Variants in ADAR observed in about 807,000 individuals in gnomAD.
ADAR encodes double-stranded RNA-specific adenosine deaminase.
Under a neutral mutation model 113.2 loss-of-function variants are expected in ADAR, and 41 were observed. The ratio of observed to expected loss-of-function variants is 0.36; its 90% CI spans 0.28 to 0.47. The LOEUF (loss-of-function observed/expected upper bound fraction) is 0.47. ADAR is among the 20% of genes least tolerant of loss of function. The probability of loss-of-function intolerance (pLI) is 1.00; values close to 1 mark genes in which losing one functional copy is unlikely to be tolerated. For missense variants in ADAR, 1,242 were observed against 1,540.9 expected, an observed-to-expected ratio of 0.81 and a Z score of 3.25; for synonymous variants, 605 against 572.6, an observed-to-expected ratio of 1.06 and a Z score of -0.81.
upstream of ADAR, among the ~76,000 whole-genome samples, chr1:154,608,420 C>T (rs893594180): frequency 1.3e-5 from 2 of 149,420 alleles, no homozygotes; most frequent in Admixed American, 6.7e-5. Flanking sequence ...CCTCTGCCCC[C>T]CGGGTTCAAG....
chr1:154,599,146 C>T (rs1397642072), intron 2 of ADAR, among the ~76,000 whole-genome samples: 5 of 152,146 alleles, frequency 3.3e-5, no homozygotes, highest in Admixed American at 3.3e-4. Flanking sequence ...CATTTGTCTC[C>T]AGCTATTTTC....
In ADAR at chr1:154,608,134, C is replaced by A; in HGVS notation, c.-128G>T. The A allele has an allele frequency of 8.0e-7, 1 of 1,257,854 alleles. No homozygotes were observed. The allele number at this position is 1,257,854 out of a possible 1,614,324, so 77.9% of individuals were successfully genotyped here. A position where few individuals can be genotyped will look rare whatever the true frequency, so the allele number is the denominator to read the frequency against. On this transcript the variant is annotated 5_prime_UTR_variant, in exon 1 of 15. Coordinates refer to ENST00000368474, the MANE Select transcript of ADAR (RefSeq NM_001111.5). ...CGCACTGGAAGTGGCCCCGGGGCGT[C>A]GGCACGGGAAACTCCGCGGGTCTGC...
chr1:154,599,432 A>G (rs1014105158), intron 2 of ADAR, among the ~76,000 whole-genome samples: 7 of 152,198 alleles, frequency 4.6e-5, no homozygotes, highest in African/African-American at 1.7e-4. Flanking sequence ...GGAGGGATGG[A>G]GGCAAAAGAG....
intron 1 of ADAR, among the ~76,000 whole-genome samples, chr1:154,615,174 T>C (rs1405619216): frequency 6.6e-6 from 1 of 152,204 alleles, no homozygotes; most frequent in Non-Finnish European, 1.5e-5. Flanking sequence ...CCTCCAGCAC[T>C]GTCAGATAAT....
At chr1:154,619,366 G>T (rs1698723626) in intron 1 of ADAR, among the ~76,000 whole-genome samples, 1 of 152,122 alleles carries the variant, frequency 6.6e-6, no homozygotes, top group Non-Finnish European at 1.5e-5. Flanking sequence ...CTCCTCGCTG[G>T]GAATAAGTGA....
At chr1:154,592,825 G>A (rs139160688) in intron 6 of ADAR, among the ~76,000 whole-genome samples, 1 of 151,720 alleles carries the variant, frequency 6.6e-6, no homozygotes, top group Non-Finnish European at 1.5e-5. Context: ...AGCTCTGAGT[G>A]GTCTCCAGCA....
intron 1 of ADAR, among the ~76,000 whole-genome samples, chr1:154,607,013 TG>T (rs145913485): frequency 0.02 from 3,117 of 152,056 alleles, 114 homozygotes; most frequent in African/African-American, 0.073. Flanking sequence ...TCCTTTTAAG[TG>T]TATAAATCTA....
At chr1:154,612,318 GTTTT>G (rs55714254), upstream of ADAR, among the ~76,000 whole-genome samples, 9 of 69,196 alleles carry the variant, frequency 1.3e-4, no homozygotes, top group East Asian at 4.0e-3. Flanking sequence ...AAATTACTCA[GTTTT>G]TTTTTTTTTT....
chr1:154,590,147 CCGCCCCA>C, intron 7 of ADAR, 30 bp downstream of exon 7: 1 of 1,089,290 alleles, frequency 9.2e-7, no homozygotes, highest in Non-Finnish European at 1.4e-6. Context: ...GAGGACCCCC[CCGCCCCA>C]AAAAAGGCAC....
chr1:154,607,373 TC>T (rs1338659020), intron 1 of ADAR, among the ~76,000 whole-genome samples: 1 of 152,242 alleles, frequency 6.6e-6, no homozygotes, highest in East Asian at 1.9e-4. Context: ...ATTTGTGTTT[TC>T]CCAGTTTTTA....
At chr1:154,598,304 G>A (rs1697637908) in intron 3 of ADAR, 98 bp downstream of exon 3, 2 of 1,333,914 alleles carry the variant, frequency 1.5e-6, no homozygotes, top group Non-Finnish European at 2.2e-6. Context: ...ACTCCGAGAT[G>A]GTGTCAGTTG....
chr1:154,598,068 C>T, intron 3 of ADAR, 92 bp from the exon 4 acceptor site: 2 of 1,457,110 alleles, frequency 1.4e-6, no homozygotes, highest in Non-Finnish European at 1.9e-6. Context: ...GGACTTTATT[C>T]CCACCACCTG....
chr1:154,627,602 A>C (rs1410720034), intron 1 of ADAR, among the ~76,000 whole-genome samples: 1 of 152,094 alleles, frequency 6.6e-6, no homozygotes, highest in Non-Finnish European at 1.5e-5. Context: ...TCTGCCGCCC[A>C]CACTCGCGCA....
upstream of ADAR, among the ~76,000 whole-genome samples, chr1:154,613,046 C>T (rs929556061): frequency 1.3e-5 from 2 of 152,008 alleles, no homozygotes; most frequent in South Asian, 2.1e-4. Context: ...CTCCTGACTT[C>T]GTGATCCGCC....
chr1:154,586,128 A>T (rs1696744009), intron 12 of ADAR, 53 bp downstream of exon 12: 1 of 1,607,346 alleles, frequency 6.2e-7, no homozygotes, highest in Non-Finnish European at 8.5e-7. Flanking sequence ...GCAGTTTGGG[A>T]TCTGGGCACA....
Position 154,584,633 on chromosome 1 carries a change from C to T in ADAR, c.*173G>A. 3 of 663,512 alleles carry T rather than the reference C, an allele frequency of 4.5e-6. No homozygotes were observed. In the South Asian group the frequency reaches 5.7e-5, roughly 13 times the overall value. 41.1% of individuals were successfully genotyped at this position (663,512 alleles called of 1,614,324 possible). ...CCTGGCCAGACCTTGCCTAGCAATC[C>T]CAAAGAAAGCAGGATAAATGGGAAC... On this transcript the variant is annotated 3_prime_UTR_variant, in exon 15 of 15. Coordinates refer to ENST00000368474, the MANE Select transcript of ADAR (RefSeq NM_001111.5).
rs773942193 is a variant in ADAR at position 154,602,631 on chromosome 1, A to G, written c.16-5T>C. 1 of 1,613,646 alleles carries G rather than the reference A, an allele frequency of 6.2e-7. No homozygotes were observed. The highest frequency in any genetic ancestry group is 2.2e-5 in the East Asian group (1 of 44,892). On this transcript the variant is annotated splice_polypyrimidine_tract_variant and splice_region_variant and intron_variant, in intron 1 of 14. Coordinates refer to ENST00000368474, the MANE Select transcript of ADAR (RefSeq NM_001111.5). ...GTATCCGCTGAGGGAATACCCCTGC[A>G]GAATAAGACAGTGGAAAAAGAAAAT...
chr1:154,585,524 G>T, intron 13 of ADAR, 180 bp from the exon 14 acceptor site: 3 of 968,054 alleles, frequency 3.1e-6, no homozygotes, highest in Non-Finnish European at 4.7e-6. Context: ...CCTCGATTCA[G>T]ATTAATTCCA....
chr1:154,587,888 T>A (rs1170063585), intron 11 of ADAR, among the ~76,000 whole-genome samples: 1 of 152,188 alleles, frequency 6.6e-6, no homozygotes, highest in African/African-American at 2.4e-5. Flanking sequence ...GAGCTCCACA[T>A]GGGAACCCCC....
Sources: allele counts gnomAD v4.1 joint callset (sites outside exome capture counted in the v4.1 genomes callset), GRCh38; gene constraint gnomAD v4.1.1; transcripts MANE v1.5; gene names NCBI Gene and HGNC (gene_info 2026-07-23, HGNC 2026-07-21).